The following EFTUD2 variants were observed in gnomAD, a reference collection of about 807,000 sequenced individuals.
The protein encoded by EFTUD2 is elongation factor Tu GTP binding domain containing 2.
A neutral mutation model predicts 114.3 loss-of-function variants in EFTUD2; 9 were observed. That is an observed-to-expected ratio of 0.08 (90% confidence interval 0.05 to 0.14). The LOEUF (loss-of-function observed/expected upper bound fraction) is 0.14, where lower values mean the gene tolerates loss of function less well. Among genes scored for constraint, EFTUD2 ranks in the 10% least tolerant of loss-of-function variants. The pLI, the probability that EFTUD2 is intolerant of heterozygous loss-of-function variation, is 1.00. For missense variants in EFTUD2, 765 were observed against 1,241.2 expected, an observed-to-expected ratio of 0.62 and a Z score of 5.76; for synonymous variants, 449 against 462.3, an observed-to-expected ratio of 0.97 and a Z score of 0.37.
In EFTUD2 at chr17:44,880,542, AG is replaced by A. The variant is rs1434985161; in HGVS notation, c.619+11del. 3 of 1,609,140 alleles carry A rather than the reference AG, an allele frequency of 1.9e-6. No homozygotes were observed. Among genetic ancestry groups the A allele is most frequent in the Non-Finnish European group, 2.6e-6 (3 of 1,176,352 alleles). ...CAAGGTTCTAATAATCAAAAGCCAA[AG>A]GATGTCCTACCTGGAGTGTCCATGA... On this transcript the variant is annotated intron_variant, in intron 8 of 27. Coordinates refer to ENST00000426333, the MANE Select transcript of EFTUD2 (RefSeq NM_004247.4).
intron 1 of EFTUD2, among the ~76,000 whole-genome samples, chr17:44,897,713 C>T (rs367961341): frequency 1.3e-5 from 2 of 152,100 alleles, no homozygotes; most frequent in East Asian, 1.9e-4. Context: ...TACAGGCACC[C>T]GCCATCACAC....
At position 44,853,501 on chromosome 17, in the gene EFTUD2, C is replaced by T. The variant is rs369221571; in HGVS notation, c.2466+16G>A. The T allele has an allele frequency of 2.3e-5, 37 of 1,613,590 alleles. No homozygotes were observed. The highest frequency in any genetic ancestry group is 5.5e-5 in the South Asian group (5 of 91,076). Reference sequence around the variant, plus strand: ...TCCAGTGAAGCAGATGGTCCCCTACCGCCCCATTCTCTTACCATGAGGAAG... The same window carrying T: ...TCCAGTGAAGCAGATGGTCCCCTACTGCCCCATTCTCTTACCATGAGGAAG... On this transcript the variant is annotated intron_variant, in intron 24 of 27. Coordinates refer to ENST00000426333, the MANE Select transcript of EFTUD2 (RefSeq NM_004247.4).
intron 16 of EFTUD2, among the ~76,000 whole-genome samples, chr17:44,862,162 T>C (rs1203498453): frequency 1.3e-5 from 2 of 152,124 alleles, no homozygotes; most frequent in Non-Finnish European, 2.9e-5. Context: ...AGATGGTGTG[T>C]GGTGGCTCAC....
intron 20 of EFTUD2, among the ~76,000 whole-genome samples, chr17:44,856,769 A>AC (rs1031398287): frequency 1.2e-4 from 18 of 151,958 alleles, no homozygotes; most frequent in East Asian, 3.9e-4. Flanking sequence ...AAAAAAAAAA[A>AC]AAACAAAAAA....
intron 20 of EFTUD2, among the ~76,000 whole-genome samples, chr17:44,855,462 T>G (rs2050532657): frequency 6.6e-6 from 1 of 151,416 alleles, no homozygotes; most frequent in African/African-American, 2.4e-5. Flanking sequence ...TCACAACTAC[T>G]CAGGTTGAGG....
At chr17:44,864,890 C>T (rs770557837) in intron 14 of EFTUD2, 40 bp downstream of exon 14, 20 of 1,599,116 alleles carry the variant, frequency 1.3e-5, no homozygotes, top group Admixed American at 3.4e-5. Flanking sequence ...TGGCAGGGCA[C>T]GAGGATGACA....
intron 6 of EFTUD2, among the ~76,000 whole-genome samples, chr17:44,882,775 T>G (rs763393892): frequency 3.3e-5 from 5 of 152,194 alleles, no homozygotes; most frequent in Non-Finnish European, 5.9e-5. Context: ...CAGGTACAAT[T>G]GTACCATATT....
At chr17:44,874,033 CTCT>C (rs1216501336) in intron 10 of EFTUD2, among the ~76,000 whole-genome samples, 29 of 138,298 alleles carry the variant, frequency 2.1e-4, no homozygotes, top group African/African-American at 6.5e-4. Flanking sequence ...CGTGCCCGGC[CTCT>C]TTTTTTTTTT....
intron 13 of EFTUD2, among the ~76,000 whole-genome samples, chr17:44,867,243 C>T (rs982721469): frequency 3.3e-5 from 5 of 151,790 alleles, no homozygotes; most frequent in African/African-American, 7.3e-5. Flanking sequence ...AAGATCTGTT[C>T]ATAAACCTGC....
At chr17:44,867,774 G>A (rs772528438) in intron 13 of EFTUD2, 33 bp downstream of exon 13, 1 of 1,499,480 alleles carries the variant, frequency 6.7e-7, no homozygotes, top group South Asian at 1.3e-5. Context: ...GCTTATAAGA[G>A]CAGATCTGCC....
intron 2 of EFTUD2, among the ~76,000 whole-genome samples, chr17:44,888,656 T>C (rs1420122685): frequency 1.3e-5 from 2 of 152,194 alleles, no homozygotes; most frequent in East Asian, 3.9e-4. Context: ...AAAACTGTTT[T>C]CTAATGAATT....
intron 18 of EFTUD2, 124 bp from the exon 19 acceptor site, chr17:44,859,305 T>C (rs1597794442): frequency 2.8e-6 from 2 of 709,854 alleles, no homozygotes. Context: ...TAGCATCTGT[T>C]CCAGCCTCTT....
chr17:44,881,538 G>C, intron 7 of EFTUD2, 149 bp downstream of exon 7: 1 of 845,260 alleles, frequency 1.2e-6, no homozygotes, highest in South Asian at 1.6e-5. Flanking sequence ...GAGTAACTGG[G>C]GGAAGAAGGA....
rs979477595 is a variant in EFTUD2 at position 44,899,434 on chromosome 17, G to A, written c.-70C>T. 2 of 152,682 alleles carry A rather than the reference G, an allele frequency of 1.3e-5. No individual in the cohort carries two copies. Among genetic ancestry groups the A allele is most frequent in the Admixed American group, 6.5e-5 (1 of 15,278 alleles). The allele number at this position is 152,682 out of a possible 1,614,324, so 9.5% of individuals were successfully genotyped here. Reference sequence around the variant, plus strand: ...AGATCGTGCTTCCGCCCCACGCCGAGGAAACGCCTGCGCCCGCCGCCAGGA... The same window carrying A: ...AGATCGTGCTTCCGCCCCACGCCGAAGAAACGCCTGCGCCCGCCGCCAGGA... On this transcript the variant is annotated 5_prime_UTR_variant, in exon 1 of 28. Transcript: ENST00000426333.
chr17:44,861,215 T>C (rs998875479), intron 16 of EFTUD2, among the ~76,000 whole-genome samples: 2 of 151,724 alleles, frequency 1.3e-5, no homozygotes, highest in African/African-American at 4.8e-5. Context: ...CTGAGGTGGG[T>C]GGCTGGATCA....
chr17:44,880,530 A>C (rs554048290), intron 8 of EFTUD2, 24 bp downstream of exon 8: 2 of 1,599,040 alleles, frequency 1.3e-6, no homozygotes, highest in South Asian at 2.2e-5. Context: ...GGTTCTAATA[A>C]TCAAAAGCCA....
At chr17:44,860,229 G>A in intron 17 of EFTUD2, 184 bp from the exon 18 acceptor site, 1 of 862,962 alleles carries the variant, frequency 1.2e-6, no homozygotes, top group Non-Finnish European at 1.8e-6. Context: ...AGAACAAAGA[G>A]AGGAGGAAAA....
chr17:44,855,038 T>C (rs747435119), intron 20 of EFTUD2, 34 bp from the exon 21 acceptor site: 1 of 1,568,368 alleles, frequency 6.4e-7, no homozygotes, highest in South Asian at 1.1e-5. Flanking sequence ...TAAGGACGGC[T>C]AACAGAACAG....
chr17:44,886,559 G>T (rs759001277), intron 3 of EFTUD2, 26 bp downstream of exon 3: 2 of 1,611,862 alleles, frequency 1.2e-6, no homozygotes, highest in African/African-American at 2.7e-5. Flanking sequence ...ATTTCACTCC[G>T]CACAGCCCAT....
Sources: gnomAD v4.1 joint callset for allele counts (sites outside exome capture counted in the v4.1 genomes callset) on GRCh38, gnomAD v4.1.1 for gene constraint, MANE v1.5 for transcripts, NCBI Gene and HGNC (gene_info 2026-07-23, HGNC 2026-07-21) for gene names.